The following ADRA1B variants were observed in gnomAD, a reference collection of about 807,000 sequenced individuals.
The protein encoded by ADRA1B is alpha-1B adrenergic receptor.
A neutral mutation model predicts 17.9 loss-of-function variants in ADRA1B; 17 were observed. The ratio of observed to expected loss-of-function variants is 0.95; its 90% CI spans 0.65 to 1.42. The LOEUF (loss-of-function observed/expected upper bound fraction) is 1.42. Among genes scored for constraint, ADRA1B ranks in the 40% most tolerant of loss-of-function variants. The pLI is 0.00. For synonymous variants in ADRA1B, 366 were observed against 327.6 expected, an observed-to-expected ratio of 1.12 and a Z score of -1.27; for missense variants, 681 against 722.1, an observed-to-expected ratio of 0.94 and a Z score of 0.65.
chr5:159,913,252 G>C (rs1421871372), upstream of ADRA1B, among the ~76,000 whole-genome samples: 1 of 152,154 alleles, frequency 6.6e-6, no homozygotes, highest in Non-Finnish European at 1.5e-5. Flanking sequence ...TTGCCCCAGG[G>C]AGTACCGAGA....
the ADRA1B span, among the ~76,000 whole-genome samples, chr5:159,983,180 G>C: frequency 6.6e-6 from 1 of 152,178 alleles, no homozygotes; most frequent in Admixed American, 6.5e-5. Context: ...AAAGGCAGAG[G>C]CTGGTGGCTT....
At chr5:159,918,654 C>G (rs1482694200) in intron 1 of ADRA1B, among the ~76,000 whole-genome samples, 1 of 152,188 alleles carries the variant, frequency 6.6e-6, no homozygotes, top group African/African-American at 2.4e-5. Context: ...GCGTCCTCCC[C>G]CTCTTATGAA....
At chr5:159,879,911 G>A (rs1286136860) in intron 1 of ADRA1B, among the ~76,000 whole-genome samples, 9 of 152,114 alleles carry the variant, frequency 5.9e-5, no homozygotes, top group African/African-American at 2.2e-4. Flanking sequence ...CAGAAGAATC[G>A]CATGAACCTG....
At chr5:159,930,519 C>T (rs1754773445) in intron 1 of ADRA1B, among the ~76,000 whole-genome samples, 1 of 152,154 alleles carries the variant, frequency 6.6e-6, no homozygotes, top group Admixed American at 6.5e-5. Flanking sequence ...GCGGAGGTTG[C>T]AGTGAGCTGA....
intron 1 of ADRA1B, among the ~76,000 whole-genome samples, chr5:159,899,190 AAAAG>A (rs1259759731): frequency 6.7e-6 from 1 of 149,578 alleles, no homozygotes; most frequent in East Asian, 2.0e-4. Context: ...AAAAGAAAAG[AAAAG>A]AAAGAATGGA....
At chr5:159,928,564 AG>A (rs1309214847) in intron 1 of ADRA1B, among the ~76,000 whole-genome samples, 1 of 151,722 alleles carries the variant, frequency 6.6e-6, no homozygotes, top group African/African-American at 2.4e-5. Flanking sequence ...ACTTTTTCCA[AG>A]TGTGTCTGCC....
intron 1 of ADRA1B, among the ~76,000 whole-genome samples, chr5:159,955,557 T>C (rs1018549457): frequency 5.3e-5 from 8 of 152,178 alleles, no homozygotes; most frequent in Non-Finnish European, 1.0e-4. Flanking sequence ...TGTTCTCTTG[T>C]AGAGCCTTTC....
intron 1 of ADRA1B, among the ~76,000 whole-genome samples, chr5:159,945,736 G>GTTTTTTTT (rs1231519561): frequency 6.8e-6 from 1 of 147,008 alleles, no homozygotes; most frequent in Non-Finnish European, 1.5e-5. Context: ...TTTCTGGTGG[G>GTTTTTTTT]TTTTTTTGTT....
intron 1 of ADRA1B, among the ~76,000 whole-genome samples, chr5:159,945,660 A>T (rs1204905464): frequency 6.6e-6 from 1 of 152,100 alleles, no homozygotes; most frequent in Non-Finnish European, 1.5e-5. Flanking sequence ...TAGAAAGGTT[A>T]GCATTTTCTC....
chr5:159,881,999 G>C (rs1398732583), intron 1 of ADRA1B, among the ~76,000 whole-genome samples: 1 of 152,112 alleles, frequency 6.6e-6, no homozygotes, highest in Non-Finnish European at 1.5e-5. Flanking sequence ...TTAGCATCTT[G>C]TCAATGATCC....
the ADRA1B span, among the ~76,000 whole-genome samples, chr5:159,986,864 C>G: frequency 2.6e-5 from 4 of 152,190 alleles, no homozygotes; most frequent in African/African-American, 9.7e-5. Flanking sequence ...TTTACTCCCC[C>G]CTCAACGGCG....
the ADRA1B span, among the ~76,000 whole-genome samples, chr5:159,981,446 A>G: frequency 3.7e-4 from 56 of 152,282 alleles, no homozygotes; most frequent in Non-Finnish European, 6.8e-4. Context: ...ACCCATATTT[A>G]CAAAATGTAC....
chr5:159,963,094 T>G (rs1755708031), intron 1 of ADRA1B, among the ~76,000 whole-genome samples: 1 of 150,658 alleles, frequency 6.6e-6, no homozygotes, highest in Non-Finnish European at 1.5e-5. Context: ...TTCATTGGAT[T>G]TTCCCCAGTT....
chr5:159,983,660 G>T, the ADRA1B span, among the ~76,000 whole-genome samples: 1 of 152,046 alleles, frequency 6.6e-6, no homozygotes, highest in African/African-American at 2.4e-5. Flanking sequence ...TGACTCCCAG[G>T]TCCTCCCAAT....
chr5:159,881,299 T>TTCTCTCTCTCTCTC lies in ADRA1B; in HGVS notation c.-256+16127_-256+16140dup, dbSNP rs11471058. On this transcript the variant is annotated intron_variant, in intron 1 of 2. Coordinates refer to the ADRA1B transcript ENST00000641205. Reference sequence around the variant, plus strand: ...GTGGAATGAGAACAATATCAGAAAGTTCTCTCTCTCTCTCTCTCTCTCTCT... The same window carrying TTCTCTCTCTCTCTC: ...GTGGAATGAGAACAATATCAGAAAGTTCTCTCTCTCTCTCTCTCTCTCTCTCTCTCTCTCTCTCT... Among the ~76,000 whole-genome samples the TTCTCTCTCTCTCTC allele has an allele frequency of 9.2e-4, 121 of 131,962 alleles. 4 individuals are homozygous for TTCTCTCTCTCTCTC. The highest frequency in any genetic ancestry group is 1.3e-3 in the Non-Finnish European group (78 of 60,498). The allele number at this position is 131,962 out of a possible 152,430, so 86.6% of individuals were successfully genotyped here.
At chr5:159,971,426 G>A (rs1323491383) in intron 1 of ADRA1B, among the ~76,000 whole-genome samples, 1 of 152,072 alleles carries the variant, frequency 6.6e-6, no homozygotes, top group South Asian at 2.1e-4. Context: ...TTCACATTTA[G>A]GTCTTTAATA....
intron 1 of ADRA1B, among the ~76,000 whole-genome samples, chr5:159,922,774 C>A (rs1253725739): frequency 6.6e-6 from 1 of 152,216 alleles, no homozygotes; most frequent in Non-Finnish European, 1.5e-5. Context: ...TGTATCTATT[C>A]AGTGGGTACT....
rs1228373771 is a variant in ADRA1B at position 159,917,671 on chromosome 5, C to T, written c.766C>T (p.His256Tyr). Reference sequence around the variant, plus strand: ...CTCCAAGGAGCTGACCCTGAGGATCCATTCCAAGAACTTTCACGAGGACAC... The same window carrying T: ...CTCCAAGGAGCTGACCCTGAGGATCTATTCCAAGAACTTTCACGAGGACAC... ...SNSKELTLRI[H>Y]SKNFHEDTLS... Residue 256 changes from histidine (H) to tyrosine (Y), a missense_variant, in exon 1 of 2, where the codon CAT becomes TAT. Physicochemically the swap from His to Tyr is moderately conservative, Grantham distance 83. This residue lies in a region of ADRA1B where 424 missense variants were observed against 480.2 expected (regional missense o/e 0.88). Coordinates refer to ENST00000306675, the MANE Select transcript of ADRA1B (RefSeq NM_000679.4). The T allele has an allele frequency of 6.2e-7, 1 of 1,613,918 alleles. No individual in the cohort carries two copies. Among genetic ancestry groups the T allele is most frequent in the Non-Finnish European group, 8.5e-7 (1 of 1,180,022 alleles).
In ADRA1B at chr5:159,916,895, C is replaced by T; in HGVS notation, c.-11C>T. 6.3e-7 allele frequency: 1 copy of T among 1,596,140 alleles called. No individual in the cohort carries two copies. The highest frequency in any genetic ancestry group is 8.5e-7 in the Non-Finnish European group (1 of 1,170,242). On this transcript the variant is annotated 5_prime_UTR_variant, in exon 1 of 2. Coordinates refer to ENST00000306675, the MANE Select transcript of ADRA1B (RefSeq NM_000679.4). ...CAATCATCCCCCTGGCTATGGAGGG[C>T]GGACTCTAAGATGAATCCCGACCTG... is the stretch of plus-strand genomic sequence containing the variant.
Sources: gnomAD v4.1 joint callset for allele counts (sites outside exome capture counted in the v4.1 genomes callset) on GRCh38, gnomAD v4.1.1 for gene constraint, gnomAD v4.1.1 regional missense constraint, MANE v1.5 for transcripts, NCBI Gene and HGNC (gene_info 2026-07-23, HGNC 2026-07-21) for gene names.